Variants in PKD2 observed in about 807,000 individuals in gnomAD.
The protein encoded by PKD2 is polycystin-2.
Under a neutral mutation model 105.9 loss-of-function variants are expected in PKD2, and 48 were observed. That is an observed-to-expected ratio of 0.45 (90% CI 0.36 to 0.58). PKD2 has a LOEUF of 0.58. PKD2 is among the 20% of genes least tolerant of loss of function. The pLI, the probability that PKD2 is intolerant of heterozygous loss-of-function variation, is 0.00. For synonymous variants in PKD2, 464 were observed against 481.1 expected (o/e 0.96, Z 0.46); for missense variants, 1,078 against 1,255.3 (o/e 0.86, Z 2.13).
At chr4:88,075,066 T>G (rs1721183777) in intron 14 of PKD2, 107 bp downstream of exon 14, 2 of 1,250,730 alleles carry the variant, frequency 1.6e-6, no homozygotes, top group East Asian at 2.4e-5. Context: ...TAAAAAAAAT[T>G]TACGTTTATA....
At position 88,046,693 on chromosome 4, in the gene PKD2, T is replaced by A; in HGVS notation, c.1371T>A (p.Phe457Leu). 1 of 1,613,946 alleles carries A rather than the reference T, an allele frequency of 6.2e-7. No individual in the cohort carries two copies. The highest frequency in any genetic ancestry group is 2.2e-5 in the East Asian group (1 of 44,880). ...GTGGTGTGATTCCATCTTGGCAATT[T>A]CAGCCTTTAAAGCTGATCCGATATG... ...ATGGVIPSWQ[F>L]QPLKLIRYVT... The change falls in exon 6 of 15, where the codon TTT (phenylalanine) becomes TTA (leucine). Residue 457 changes from phenylalanine to leucine, a missense_variant. Phe to Leu is a conservative substitution (Grantham distance 22). Coordinates refer to ENST00000237596, the MANE Select transcript of PKD2 (RefSeq NM_000297.4).
At chr4:88,008,383 G>A in intron 1 of PKD2, 55 bp downstream of exon 1, 2 of 1,445,604 alleles carry the variant, frequency 1.4e-6, no homozygotes, top group Non-Finnish European at 9.1e-7. Flanking sequence ...GCCGGCGCCG[G>A]CCGGGGCCAT....
chr4:88,034,203 C>T (rs557918177), intron 2 of PKD2, among the ~76,000 whole-genome samples: 16 of 152,194 alleles, frequency 1.1e-4, no homozygotes, highest in African/African-American at 3.1e-4. Flanking sequence ...GGAGCCAAAC[C>T]AGGGGGCCTG....
At position 88,043,343 on chromosome 4, in the gene PKD2, C is replaced by T. The variant is rs2110112190; in HGVS notation, c.1205C>T (p.Thr402Ile). Residue 402 changes from threonine to isoleucine, a missense_variant, in exon 5 of 15, where the codon ACA (threonine) becomes ATA (isoleucine). Transcript: ENST00000237596. The stretch of plus-strand genomic sequence containing the variant: ...GATTTGTCAAGAACAAGAGAGGAAA[C>T]AGCTGCACAAGTTGCTAGCCTCAAG... ...YLDLSRTREE[T>I]AAQVASLKKN... The T allele has an allele frequency of 1.2e-6, 2 of 1,613,802 alleles. No individual in the cohort carries two copies. Among genetic ancestry groups the T allele is most frequent in the Non-Finnish European group, 1.7e-6 (2 of 1,179,764 alleles).
At chr4:88,048,421 C>G (rs1399286927) in intron 6 of PKD2, among the ~76,000 whole-genome samples, 1 of 151,982 alleles carries the variant, frequency 6.6e-6, no homozygotes, top group Non-Finnish European at 1.5e-5. Context: ...ACACTTAAAG[C>G]ATAAAAAAGA....
In PKD2 at chr4:88,075,548, G is replaced by T. The variant is rs1479514781; in HGVS notation, c.2761G>T (p.Ala921Ser). Residue 921 changes from alanine to serine, a missense_variant, in exon 15 of 15, where the codon GCA (alanine) becomes TCA (serine). Ala to Ser is a moderately conservative substitution (Grantham distance 99). Around this residue, in one of 2 missense-constraint regions of PKD2, gnomAD observed 868 missense variants for 1,067.3 expected, o/e 0.81. Transcript: ENST00000237596. ...EELERWESDD[A>S]ASQISHGLGT... Reference sequence around the variant, plus strand: ...GTTGGAACGCTGGGAATCCGATGATGCAGCTTCCCAGATCAGTCATGGTTT... The same window carrying T: ...GTTGGAACGCTGGGAATCCGATGATTCAGCTTCCCAGATCAGTCATGGTTT... 3 of 1,614,016 alleles carry T rather than the reference G, an allele frequency of 1.9e-6. No homozygotes were observed. The highest frequency in any genetic ancestry group is 4.5e-5 in the East Asian group (2 of 44,872).
Position 88,036,314 on chromosome 4 carries a change from T to G in PKD2, c.804T>G (p.Thr268=). The G allele has an allele frequency of 6.2e-7, 1 of 1,614,060 alleles. No homozygotes were observed. The highest frequency in any genetic ancestry group is 1.1e-5 in the South Asian group (1 of 91,084). ...CCCCCGTGTCCAAAACGGAGAAAAC[T>G]AACTTTAAAACTCTGTCTTCCATGG... The part of the protein sequence containing the change: ...LDTPVSKTEK[T]NFKTLSSMED... The change falls in exon 3 of 15, where the codon ACT becomes ACG. Residue 268 remains threonine, a synonymous_variant. Coordinates refer to ENST00000237596, the MANE Select transcript of PKD2 (RefSeq NM_000297.4).
intron 13 of PKD2, among the ~76,000 whole-genome samples, chr4:88,070,588 A>ATC (rs1720982672): frequency 9.6e-6 from 1 of 103,812 alleles, no homozygotes; most frequent in Non-Finnish European, 2.1e-5. Flanking sequence ...ATATATATAT[A>ATC]TATATATATA....
intron 13 of PKD2, 92 bp from the exon 14 acceptor site, chr4:88,074,720 A>G: frequency 1.5e-6 from 2 of 1,362,580 alleles, no homozygotes; most frequent in East Asian, 4.6e-5. Flanking sequence ...GTTGCTTAAG[A>G]AAAAAATCTT....
intron 2 of PKD2, among the ~76,000 whole-genome samples, chr4:88,024,634 C>T (rs924739810): frequency 2.6e-5 from 4 of 151,802 alleles, no homozygotes; most frequent in Admixed American, 2.0e-4. Flanking sequence ...ATAGTTTAAA[C>T]ACATTAATAG....
intron 2 of PKD2, among the ~76,000 whole-genome samples, chr4:88,022,652 G>A (rs1391837223): frequency 6.6e-6 from 1 of 152,150 alleles, no homozygotes; most frequent in Non-Finnish European, 1.5e-5. Context: ...AATCTTGCCA[G>A]CAATGTCAAT....
chr4:88,060,883 A>C (rs1303216608), intron 9 of PKD2, among the ~76,000 whole-genome samples: 1 of 152,212 alleles, frequency 6.6e-6, no homozygotes, highest in Non-Finnish European at 1.5e-5. Flanking sequence ...CAGCCCAACA[A>C]ATATGTAAGG....
At chr4:88,015,221 C>T (rs1345654617) in intron 1 of PKD2, among the ~76,000 whole-genome samples, 1 of 152,104 alleles carries the variant, frequency 6.6e-6, no homozygotes, top group Admixed American at 6.6e-5. Flanking sequence ...GGAACTGGGC[C>T]GCAGAGCAGG....
At chr4:88,070,599 TATAGAGAG>T (rs1344003498) in intron 13 of PKD2, among the ~76,000 whole-genome samples, 10 of 98,292 alleles carry the variant, frequency 1.0e-4, no homozygotes, top group Non-Finnish European at 1.2e-4. Context: ...TATATATATA[TATAGAGAG>T]AGAGAGAGAG....
At chr4:88,072,717 G>A (rs1162672927) in intron 13 of PKD2, among the ~76,000 whole-genome samples, 1 of 152,144 alleles carries the variant, frequency 6.6e-6, no homozygotes, top group African/African-American at 2.4e-5. Context: ...CTCTTAACAG[G>A]ATTAGAACCT....
chr4:88,056,300 A>C, intron 8 of PKD2, 33 bp downstream of exon 8: 2 of 1,379,058 alleles, frequency 1.5e-6, no homozygotes, highest in Non-Finnish European at 2.0e-6. Flanking sequence ...AGAAAAATTT[A>C]ATCAGAGTTG....
At chr4:88,072,230 A>G (rs1359362629) in intron 13 of PKD2, among the ~76,000 whole-genome samples, 1 of 151,154 alleles carries the variant, frequency 6.6e-6, no homozygotes, top group African/African-American at 2.4e-5. Context: ...CAATCCACCC[A>G]CCTCAGCCTC....
At chr4:88,036,173 T>C in intron 2 of PKD2, 47 bp from the exon 3 acceptor site, 1 of 1,613,646 alleles carries the variant, frequency 6.2e-7, no homozygotes, top group Non-Finnish European at 8.5e-7. Context: ...TATGTGAATG[T>C]GTGCCGGTTC....
In PKD2 at chr4:88,058,536, CTCTTTCT is replaced by C. The variant is rs201716277; in HGVS notation, c.2019+439_2019+445del. ...AGTCACTTGCTAGCATGACTTTTCT[CTCTTTCT>C]TCTTTTCTTTTTAAAAAATAAGAAC... On this transcript the variant is annotated intron_variant, in intron 9 of 14. Transcript: ENST00000237596. Among the ~76,000 whole-genome samples, 820 of 152,254 alleles carry C rather than the reference CTCTTTCT, an allele frequency of 5.4e-3. 2 individuals are homozygous for C. The highest frequency in any genetic ancestry group is 0.019 in the African/African-American group (779 of 41,562).
Sources: gnomAD v4.1 joint callset for allele counts (sites outside exome capture counted in the v4.1 genomes callset) on GRCh38, gnomAD v4.1.1 for gene constraint, gnomAD v4.1.1 regional missense constraint, MANE v1.5 for transcripts, NCBI Gene and HGNC (gene_info 2026-07-23, HGNC 2026-07-21) for gene names.